ANAPC10: variants seen among roughly 807,000 people sequenced by gnomAD.
The protein encoded by ANAPC10 is anaphase promoting complex subunit 10, also known as anaphase-promoting complex subunit 10.
ANAPC10 carries 12 observed loss-of-function variants against 22.0 expected under a neutral mutation model. The observed-to-expected ratio is 0.55, with a 90% CI of 0.35 to 0.88. The LOEUF is 0.88. Ranked by LOEUF, ANAPC10 falls within the 40% of genes least tolerant of loss-of-function variation. The pLI is 0.01. For synonymous variants in ANAPC10, 65 were observed against 69.5 expected (o/e 0.94, Z 0.32); for missense variants, 188 against 220.9 (o/e 0.85, Z 0.94).
chr4:145,077,548 A>G (rs1294467321), intron 3 of ANAPC10, among the ~76,000 whole-genome samples: 1 of 152,084 alleles, frequency 6.6e-6, no homozygotes. Context: ...TGATACCAAA[A>G]CCTGCCAGAG....
chr4:145,092,152 C>G (rs546492716), intron 2 of ANAPC10, among the ~76,000 whole-genome samples: 1 of 152,158 alleles, frequency 6.6e-6, no homozygotes, highest in African/African-American at 2.4e-5. Flanking sequence ...ACATCACACA[C>G]TAGGGCCTGT....
At chr4:145,097,511 C>G in intron 1 of ANAPC10, 1 of 1,287,230 alleles carries the variant, frequency 7.8e-7, no homozygotes, top group Non-Finnish European at 1.0e-6. Context: ...CTTGACACCT[C>G]CCATTGTATC....
At chr4:145,066,789 A>G (rs960891804) in intron 3 of ANAPC10, among the ~76,000 whole-genome samples, 39 of 147,568 alleles carry the variant, frequency 2.6e-4, no homozygotes, top group African/African-American at 9.5e-4. Context: ...AAAAAAAAAC[A>G]TAACACTTAG....
rs368246155 is a variant in ANAPC10, at chr4:145,006,275, CT to C, written c.328-10673del. Among the ~76,000 whole-genome samples, 64 of 152,110 alleles carry C rather than the reference CT, an allele frequency of 4.2e-4. 2 individuals are homozygous for C. In the East Asian group the frequency reaches 9.5e-3, roughly 23 times the overall value. ...TTGTCTGAAATTATAGCAACCCAGA[CT>C]TTTTATCTGAAAAATCTGCCAATCA... On this transcript the variant is annotated intron_variant, in intron 4 of 4. Transcript: ENST00000507656.
intron 4 of ANAPC10, among the ~76,000 whole-genome samples, chr4:145,043,677 G>T (rs887524112): frequency 6.6e-6 from 1 of 151,904 alleles, no homozygotes; most frequent in African/African-American, 2.4e-5. Context: ...CAACTTGACT[G>T]TTGTTTTCTG....
chr4:145,024,274 T>C (rs535719000), intron 4 of ANAPC10, among the ~76,000 whole-genome samples: 1 of 152,296 alleles, frequency 6.6e-6, no homozygotes, highest in African/African-American at 2.4e-5. Context: ...TCTTCCAAAC[T>C]CTTGTTAATG....
chr4:145,012,163 T>C (rs1734421699), intron 4 of ANAPC10, among the ~76,000 whole-genome samples: 2 of 119,360 alleles, frequency 1.7e-5, no homozygotes, highest in African/African-American at 6.9e-5. Context: ...GCTATATGTA[T>C]ATGTGTGTGT....
chr4:145,020,809 C>T (rs1387036250), intron 4 of ANAPC10, among the ~76,000 whole-genome samples: 2 of 150,754 alleles, frequency 1.3e-5, no homozygotes. Flanking sequence ...AGAATCGAAT[C>T]AAGAACTCAA....
intron 2 of ANAPC10, among the ~76,000 whole-genome samples, chr4:145,084,839 T>C (rs531978347): frequency 1.2e-3 from 177 of 152,304 alleles, no homozygotes; most frequent in African/African-American, 3.9e-3. Flanking sequence ...AAATATGTCA[T>C]TAGTAATAGT....
chr4:145,076,136 C>G (rs1329288549), intron 3 of ANAPC10, among the ~76,000 whole-genome samples: 2 of 152,214 alleles, frequency 1.3e-5, no homozygotes, highest in Non-Finnish European at 2.9e-5. Flanking sequence ...AGATGGGCTG[C>G]TGCCAGCATA....
At chr4:145,053,750 T>C in intron 4 of ANAPC10, 2 of 653,104 alleles carry the variant, frequency 3.1e-6, no homozygotes, top group Non-Finnish European at 5.5e-6. Flanking sequence ...TGAAGATTCA[T>C]TGATTCTTCA....
Position 145,096,077 on chromosome 4 carries a change from G to T in ANAPC10, c.23C>A (p.Pro8His). The change falls in exon 2 of 5, where the codon CCT (proline) becomes CAT (histidine). Residue 8 changes from proline to histidine, a missense_variant. By Grantham distance (77) the Pro-to-His change is moderately conservative. Coordinates refer to ENST00000507656, the MANE Select transcript of ANAPC10 (RefSeq NM_001256706.2). ...CAACTGCTTGGGGTCAGCACCAGGA[G>T]GTGTCTTGTTTGGTGTAGTCATTTT... MTTPNKT[P>H]PGADPKQLER... The T allele has an allele frequency of 6.2e-7, 1 of 1,614,118 alleles. No individual in the cohort carries two copies. The highest frequency in any genetic ancestry group is 8.5e-7 in the Non-Finnish European group (1 of 1,180,002).
chr4:145,003,611 T>C (rs1732902675), intron 4 of ANAPC10, among the ~76,000 whole-genome samples: 1 of 152,144 alleles, frequency 6.6e-6, no homozygotes, highest in African/African-American at 2.4e-5. Context: ...CTTCCCCCAT[T>C]GCTTGTTTTT....
At chr4:145,052,668 G>C (rs1054186138) in intron 4 of ANAPC10, among the ~76,000 whole-genome samples, 1 of 152,092 alleles carries the variant, frequency 6.6e-6, no homozygotes. Context: ...GCGAGGCTCA[G>C]GCGGGCACAG....
intron 4 of ANAPC10, among the ~76,000 whole-genome samples, chr4:145,053,973 ATC>A (rs1741516983): frequency 6.6e-6 from 1 of 151,626 alleles, no homozygotes; most frequent in African/African-American, 2.4e-5. Context: ...CAGTGGTGCA[ATC>A]TCAGCTCGCT....
intron 4 of ANAPC10, among the ~76,000 whole-genome samples, chr4:145,007,053 C>T (rs557957418): frequency 5.9e-5 from 9 of 151,630 alleles, no homozygotes; most frequent in Non-Finnish European, 1.3e-4. Context: ...CCAAGATGGA[C>T]GAATAAGAAC....
chr4:145,036,409 A>C (rs1268275616), intron 4 of ANAPC10, among the ~76,000 whole-genome samples: 1 of 152,224 alleles, frequency 6.6e-6, no homozygotes, highest in Non-Finnish European at 1.5e-5. Context: ...ACAATTTTTT[A>C]ACAAAAATTG....
chr4:145,095,036 AAAGAG>A (rs1024976125), intron 2 of ANAPC10, among the ~76,000 whole-genome samples: 2 of 152,220 alleles, frequency 1.3e-5, no homozygotes, highest in African/African-American at 4.8e-5. Flanking sequence ...TAGAGGAGGA[AAAGAG>A]AAGACCTTAT....
intron 2 of ANAPC10, among the ~76,000 whole-genome samples, chr4:145,086,379 A>G (rs940156655): frequency 2.6e-5 from 4 of 152,258 alleles, no homozygotes; most frequent in African/African-American, 4.8e-5. Flanking sequence ...AAAAACTTTT[A>G]TAAGAGGTAC....
Sources: allele counts gnomAD v4.1 joint callset (sites outside exome capture counted in the v4.1 genomes callset), GRCh38; gene constraint gnomAD v4.1.1; transcripts MANE v1.5; gene names NCBI Gene and HGNC (gene_info 2026-07-23, HGNC 2026-07-21).